ATF7: variants seen among roughly 807,000 people sequenced by gnomAD.
ATF7 encodes the protein activating transcription factor 7.
In ATF7, 10 loss-of-function variants were observed where a neutral mutation model predicts 50.4. The observed-to-expected ratio is 0.20, with a 90% CI of 0.12 to 0.34. The LOEUF (loss-of-function observed/expected upper bound fraction) is 0.34. Among genes scored for constraint, ATF7 ranks in the 10% least tolerant of loss-of-function variants. ATF7 has a pLI of 1.00. For synonymous variants in ATF7, 201 were observed against 226.4 expected (o/e 0.89, Z 1.01); for missense variants, 465 against 613.9 (o/e 0.76, Z 2.56).
intron 2 of ATF7, among the ~76,000 whole-genome samples, chr12:53,578,028 G>A (rs1942195273): frequency 6.6e-6 from 1 of 152,100 alleles, no homozygotes; most frequent in African/African-American, 2.4e-5. Flanking sequence ...AACCATGCAA[G>A]CAGAGAGTAC....
Position 53,518,771 on chromosome 12 carries a change from C to T in ATF7, c.1235-1417G>A, listed in dbSNP as rs1298406100. Among the ~76,000 whole-genome samples the T allele has an allele frequency of 2.6e-5, 4 of 152,046 alleles. No individual in the cohort carries two copies. In the South Asian group the frequency reaches 6.2e-4, roughly 24 times the overall value. ...CTTTTAAGATTCAAATATGGCCGGG[C>T]GCAGTGGCTCACGCCTGTAATCCCA... On this transcript the variant is annotated intron_variant, in intron 11 of 11. Coordinates refer to ENST00000420353, the MANE Select transcript of ATF7 (RefSeq NM_006856.3).
At chr12:53,543,100 C>T in intron 4 of ATF7, 1 of 1,405,284 alleles carries the variant, frequency 7.1e-7, no homozygotes. Flanking sequence ...CCTGGAAGAA[C>T]AAGAGGACTA....
chr12:53,523,478 C>T, intron 10 of ATF7, 94 bp from the exon 11 acceptor site: 2 of 874,518 alleles, frequency 2.3e-6, no homozygotes, highest in Middle Eastern at 3.0e-4. Context: ...AGAATATTGC[C>T]TCGATTTTCT....
intron 1 of ATF7, among the ~76,000 whole-genome samples, chr12:53,610,713 T>C (rs188869321): frequency 1.3e-4 from 20 of 152,322 alleles, no homozygotes; most frequent in African/African-American, 4.3e-4. Context: ...ATAAACATGT[T>C]ACATATGCTT....
chr12:53,601,616 C>T (rs972958524), intron 1 of ATF7, among the ~76,000 whole-genome samples: 1 of 152,214 alleles, frequency 6.6e-6, no homozygotes, highest in African/African-American at 2.4e-5. Flanking sequence ...GAGCCTCCTC[C>T]TCCCCCCACC....
chr12:53,539,525 C>G (rs935894438), intron 4 of ATF7, among the ~76,000 whole-genome samples: 1 of 152,032 alleles, frequency 6.6e-6, no homozygotes, highest in South Asian at 2.1e-4. Context: ...GAGACCCTGT[C>G]TCTATGAAAA....
chr12:53,612,025 G>T (rs763930035), intron 1 of ATF7, among the ~76,000 whole-genome samples: 2 of 152,132 alleles, frequency 1.3e-5, no homozygotes, highest in Non-Finnish European at 2.9e-5. Flanking sequence ...ACCCAGGCTG[G>T]AGTGCAGTGG....
At chr12:53,561,360 C>G (rs1159759426) in intron 2 of ATF7, among the ~76,000 whole-genome samples, 1 of 140,890 alleles carries the variant, frequency 7.1e-6, no homozygotes, top group African/African-American at 2.6e-5. Flanking sequence ...TCATAGAAAA[C>G]TTGAGAAAAA....
At chr12:53,618,299 G>A (rs922238246) in intron 1 of ATF7, among the ~76,000 whole-genome samples, 2 of 152,082 alleles carry the variant, frequency 1.3e-5, no homozygotes, top group East Asian at 1.9e-4. Context: ...AGGGGTTATC[G>A]AGTCCATCCT....
At position 53,524,724 on chromosome 12, in the gene ATF7, C is replaced by T. The variant is rs753884312; in HGVS notation, c.965G>A (p.Arg322Gln). ...ATCTTCATCTACTGTGCGCCGCCGT[C>T]GCCCCCCAGTACTAGGGGTGGGCTG... ...PAQPTPSTGG[R>Q]RRRTVDEDPD... The change falls in exon 10 of 12, where the codon CGA becomes CAA. Residue 322 changes from arginine to glutamine, a missense_variant. Physicochemically the swap from Arg to Gln is conservative, Grantham distance 43. Transcript: ENST00000420353. This position sits in a 1 kb window ranked among gnomAD's most constrained non-coding sequence, Gnocchi z 4.6. 1.2e-5 allele frequency: 19 copies of T among 1,611,816 alleles called. No individual in the cohort carries two copies. The highest frequency in any genetic ancestry group is 3.3e-5 in the Admixed American group (2 of 59,730).
chr12:53,562,648 A>AAT (rs1941203437), intron 2 of ATF7, among the ~76,000 whole-genome samples: 1 of 144,784 alleles, frequency 6.9e-6, no homozygotes, highest in South Asian at 2.1e-4. Flanking sequence ...AAAAAAAAAA[A>AAT]TTTTTTTTTG....
At chr12:53,563,568 G>T (rs572892060) in intron 2 of ATF7, among the ~76,000 whole-genome samples, 32 of 152,362 alleles carry the variant, frequency 2.1e-4, no homozygotes, top group African/African-American at 1.9e-4. Context: ...AGTGAGCCAA[G>T]ATTGTGCCAT....
At chr12:53,520,994 T>G (rs1938089741) in intron 11 of ATF7, among the ~76,000 whole-genome samples, 1 of 121,790 alleles carries the variant, frequency 8.2e-6, no homozygotes, top group Non-Finnish European at 1.6e-5. Flanking sequence ...GTCAGATCAA[T>G]TTTTTTTTTT....
chr12:53,587,039 T>C (rs1441277538), intron 2 of ATF7, among the ~76,000 whole-genome samples: 1 of 152,296 alleles, frequency 6.6e-6, no homozygotes, highest in East Asian at 1.9e-4. Flanking sequence ...TAATTTCACA[T>C]GGTTCACAGA....
At chr12:53,550,823 A>C (rs1940309526) in intron 3 of ATF7, among the ~76,000 whole-genome samples, 1 of 152,220 alleles carries the variant, frequency 6.6e-6, no homozygotes, top group Non-Finnish European at 1.5e-5. Context: ...CAAGATGAGC[A>C]TTCCAGAACT....
chr12:53,511,892 A>G (rs1250805107), downstream of ATF7, among the ~76,000 whole-genome samples: 1 of 152,186 alleles, frequency 6.6e-6, no homozygotes, highest in Non-Finnish European at 1.5e-5. Flanking sequence ...CACTTTCTCT[A>G]GGCTGTATCT....
At chr12:53,576,172 G>A (rs1942056117) in intron 2 of ATF7, 1 of 152,300 alleles carries the variant, frequency 6.6e-6, no homozygotes, top group Admixed American at 6.5e-5. Flanking sequence ...CACGAAGGCA[G>A]AAGGGATCCA....
intron 4 of ATF7, among the ~76,000 whole-genome samples, chr12:53,538,466 A>T (rs546632394): frequency 6.6e-6 from 1 of 152,336 alleles, no homozygotes; most frequent in East Asian, 1.9e-4. Context: ...TTGGTGAAAT[A>T]AATGACAACT....
At chr12:53,575,176 G>C (rs192240083) in intron 2 of ATF7, among the ~76,000 whole-genome samples, 81 of 152,092 alleles carry the variant, frequency 5.3e-4, no homozygotes, top group African/African-American at 1.8e-3. Flanking sequence ...GGGAGGCCGA[G>C]GCAGGCGGAT....
Sources: gnomAD v4.1 joint callset for allele counts (sites outside exome capture counted in the v4.1 genomes callset) on GRCh38, gnomAD v4.1.1 for gene constraint, Gnocchi (gnomAD v3.1) non-coding constraint, MANE v1.5 for transcripts, NCBI Gene and HGNC (gene_info 2026-07-23, HGNC 2026-07-21) for gene names.